The following HHAT variants were observed in gnomAD, a reference collection of about 807,000 sequenced individuals.
HHAT encodes hedgehog acyltransferase, also known as protein-cysteine N-palmitoyltransferase HHAT.
A neutral mutation model predicts 70.8 loss-of-function variants in HHAT; 47 were observed. The observed-to-expected ratio is 0.66, with a 90% confidence interval of 0.53 to 0.85. The LOEUF (loss-of-function observed/expected upper bound fraction) is 0.85. HHAT is among the 40% of genes least tolerant of loss of function. The pLI, the probability that HHAT is intolerant of heterozygous loss-of-function variation, is 0.00. For missense variants in HHAT, 609 were observed against 604.8 expected, an observed-to-expected ratio of 1.01 and a Z score of -0.07; for synonymous variants, 228 against 247.6, an observed-to-expected ratio of 0.92 and a Z score of 0.74.
chr1:210,394,287 T>C (rs920716095), intron 4 of HHAT, among the ~76,000 whole-genome samples: 3 of 145,792 alleles, frequency 2.1e-5, no homozygotes, highest in Non-Finnish European at 3.0e-5. Flanking sequence ...AATAAAACTT[T>C]CCACTGAGTT....
intron 9 of HHAT, among the ~76,000 whole-genome samples, chr1:210,566,859 G>C (rs116344571): frequency 0.02 from 3,100 of 152,294 alleles, 98 homozygotes; most frequent in African/African-American, 0.067. Context: ...TGTCACACTG[G>C]CCCCCTGCCC....
At chr1:210,364,758 A>T (rs755951394) in intron 3 of HHAT, among the ~76,000 whole-genome samples, 5 of 152,234 alleles carry the variant, frequency 3.3e-5, no homozygotes, top group Non-Finnish European at 5.9e-5. Context: ...TCCTGCAGAG[A>T]TGACCCCTTC....
At chr1:210,540,582 A>G (rs576549602) in intron 9 of HHAT, among the ~76,000 whole-genome samples, 4 of 151,824 alleles carry the variant, frequency 2.6e-5, no homozygotes, top group Non-Finnish European at 4.4e-5. Context: ...ATAAAAATAT[A>G]TATATATAGA....
intron 7 of HHAT, among the ~76,000 whole-genome samples, chr1:210,441,539 A>G (rs2093508263): frequency 6.6e-6 from 1 of 152,188 alleles, no homozygotes; most frequent in Admixed American, 6.5e-5. Flanking sequence ...TTTGCATTTT[A>G]ATGTCAGTGA....
chr1:210,588,996 A>G (rs1054659263), intron 10 of HHAT: 2 of 152,240 alleles, frequency 1.3e-5, no homozygotes, highest in African/African-American at 2.4e-5. Context: ...TGCGAATGTG[A>G]TATATGATAT....
chr1:210,411,688 A>AT (rs1157690814), intron 6 of HHAT, among the ~76,000 whole-genome samples: 8 of 152,128 alleles, frequency 5.3e-5, no homozygotes, highest in African/African-American at 1.9e-4. Flanking sequence ...CAAGGCTACC[A>AT]TGAGGTAGGG....
intron 9 of HHAT, among the ~76,000 whole-genome samples, chr1:210,579,174 ATAAC>A (rs1305526647): frequency 6.6e-6 from 1 of 152,168 alleles, no homozygotes; most frequent in Non-Finnish European, 1.5e-5. Context: ...ATCAGGAAAA[ATAAC>A]TAATGGATAC....
At chr1:210,580,075 G>A (rs1278140640) in intron 9 of HHAT, among the ~76,000 whole-genome samples, 2 of 152,208 alleles carry the variant, frequency 1.3e-5, no homozygotes, top group Non-Finnish European at 2.9e-5. Flanking sequence ...ACCCTACAAT[G>A]TTCTGTTGCC....
At chr1:210,412,998 A>G (rs1016148652) in intron 6 of HHAT, among the ~76,000 whole-genome samples, 3 of 152,174 alleles carry the variant, frequency 2.0e-5, no homozygotes, top group African/African-American at 7.2e-5. Context: ...AGAGCCCACA[A>G]TGTGAGGCAG....
chr1:210,452,442 T>A (rs1558544597), intron 7 of HHAT, among the ~76,000 whole-genome samples: 2 of 152,252 alleles, frequency 1.3e-5, no homozygotes, highest in Non-Finnish European at 2.9e-5. Flanking sequence ...CCCTAATGTA[T>A]TCATCTCCCA....
chr1:210,547,440 G>A (rs1000282330), intron 9 of HHAT, among the ~76,000 whole-genome samples: 7 of 152,292 alleles, frequency 4.6e-5, no homozygotes, highest in East Asian at 1.9e-4. Flanking sequence ...ACTTGTTAAT[G>A]GTATTAATAG....
intron 8 of HHAT, among the ~76,000 whole-genome samples, chr1:210,497,531 C>T (rs1188731028): frequency 3.3e-5 from 5 of 152,130 alleles, no homozygotes; most frequent in Admixed American, 2.6e-4. Context: ...AGGAACTATT[C>T]TACAAGAAAG....
At chr1:210,513,264 TTAAG>T in intron 9 of HHAT, 76 bp downstream of exon 9, 2 of 785,722 alleles carry the variant, frequency 2.5e-6, no homozygotes, top group Middle Eastern at 4.7e-4. Context: ...AAAATCTTTG[TTAAG>T]TATCTTGATA....
rs61827417 is a variant in HHAT at position 210,647,383 on chromosome 1, A to G, written c.1390+23713A>G. Among the ~76,000 whole-genome samples the G allele has an allele frequency of 8.3e-3, 1,268 of 152,312 alleles. 7 individuals are homozygous for G. The highest frequency in any genetic ancestry group is 0.014 in the Non-Finnish European group (955 of 68,036). ...TTCTACATACCTTTCGGGGGACACA[A>G]TTCAACCCATAAGACCTATTATTTG... On this transcript the variant is annotated intron_variant, in intron 11 of 11. Coordinates refer to ENST00000261458, the MANE Select transcript of HHAT (RefSeq NM_018194.6).
chr1:210,669,514 T>C (rs1424792367), intron 11 of HHAT, among the ~76,000 whole-genome samples: 1 of 152,204 alleles, frequency 6.6e-6, no homozygotes, highest in Non-Finnish European at 1.5e-5. Context: ...GTGCCATACA[T>C]CCTAGTTATC....
chr1:210,433,885 G>T (rs1324082875), intron 7 of HHAT, among the ~76,000 whole-genome samples: 1 of 151,946 alleles, frequency 6.6e-6, no homozygotes, highest in Non-Finnish European at 1.5e-5. Flanking sequence ...CAGGGCATTG[G>T]GCTGTGGATG....
intron 9 of HHAT, among the ~76,000 whole-genome samples, chr1:210,571,185 C>T (rs1656190027): frequency 6.6e-6 from 1 of 152,240 alleles, no homozygotes; most frequent in South Asian, 2.1e-4. Context: ...GAACCAGATA[C>T]ATAGCATCTC....
intron 9 of HHAT, among the ~76,000 whole-genome samples, chr1:210,531,367 C>T (rs1256534321): frequency 6.6e-6 from 1 of 152,172 alleles, no homozygotes; most frequent in Admixed American, 6.5e-5. Context: ...GCTGGTGGAC[C>T]TCTGGCCTGT....
intron 10 of HHAT, among the ~76,000 whole-genome samples, chr1:210,614,506 C>T (rs1290291303): frequency 4.6e-5 from 7 of 152,118 alleles, no homozygotes; most frequent in Non-Finnish European, 1.0e-4. Flanking sequence ...TGGTGTGCTG[C>T]ACCCATTAAC....
Sources: gnomAD v4.1 joint callset for allele counts (sites outside exome capture counted in the v4.1 genomes callset) on GRCh38, gnomAD v4.1.1 for gene constraint, MANE v1.5 for transcripts, NCBI Gene and HGNC (gene_info 2026-07-23, HGNC 2026-07-21) for gene names.